Variants in CAPN8 observed in about 807,000 individuals in gnomAD.
CAPN8 encodes the protein calpain 8.
CAPN8 carries 87 observed loss-of-function variants against 80.9 expected under a neutral mutation model. The ratio of observed to expected loss-of-function variants is 1.07; its 90% CI spans 0.90 to 1.28. The LOEUF is 1.28. Among genes scored for constraint, CAPN8 ranks in the 50% most tolerant of loss-of-function variants. The pLI is 0.00. For synonymous variants in CAPN8, 299 were observed against 273.8 expected, an observed-to-expected ratio of 1.09 and a Z score of -0.91; for missense variants, 757 against 702.0, an observed-to-expected ratio of 1.08 and a Z score of -0.89.
At chr1:223,628,267 G>A (rs1657660105) in intron 3 of CAPN8, 125 bp from the exon 4 acceptor site, 2 of 1,111,948 alleles carry the variant, frequency 1.8e-6, no homozygotes, top group Non-Finnish European at 1.2e-6. Flanking sequence ...TTAGGAGCAG[G>A]ACATGTGTCT....
At chr1:223,623,446 C>T (rs906617611) in intron 6 of CAPN8, among the ~76,000 whole-genome samples, 5 of 152,138 alleles carry the variant, frequency 3.3e-5, no homozygotes, top group Non-Finnish European at 5.9e-5. Flanking sequence ...GTGGTGAACG[C>T]AGGCCAGGAA....
chr1:223,659,368 C>T (rs1658579611), intron 1 of CAPN8, among the ~76,000 whole-genome samples: 1 of 152,180 alleles, frequency 6.6e-6, no homozygotes, highest in Non-Finnish European at 1.5e-5. Context: ...CCAGCACCTC[C>T]ATCCCTCTGT....
chr1:223,640,698 A>G (rs958176509), intron 2 of CAPN8, among the ~76,000 whole-genome samples: 10 of 152,128 alleles, frequency 6.6e-5, no homozygotes, highest in Non-Finnish European at 1.3e-4. Context: ...CAGTAAGACT[A>G]TAAAGGACCC....
rs1399424056 is a variant in CAPN8 at position 223,623,144 on chromosome 1, T to C, written c.814-244A>G. On this transcript the variant is annotated intron_variant, in intron 6 of 20. Coordinates refer to ENST00000366872, the MANE Select transcript of CAPN8 (RefSeq NM_001143962.2). ...GAGTGAGTCTAGCCCAAAAACAAGCTTATGTCTGCTTTAACTCAGATTTAG... is the reference window on the plus strand; with the variant it reads ...GAGTGAGTCTAGCCCAAAAACAAGCCTATGTCTGCTTTAACTCAGATTTAG... Among the ~76,000 whole-genome samples, 3 of 152,344 alleles carry C rather than the reference T, an allele frequency of 2.0e-5. No individual in the cohort carries two copies. In the South Asian group the frequency reaches 6.2e-4, roughly 32 times the overall value.
chr1:223,610,621 C>T (rs574248814), intron 11 of CAPN8, among the ~76,000 whole-genome samples: 4 of 152,202 alleles, frequency 2.6e-5, no homozygotes, highest in African/African-American at 9.6e-5. Flanking sequence ...AAACTGAGTT[C>T]CAGCAAGAAT....
intron 5 of CAPN8, 75 bp from the exon 6 acceptor site, chr1:223,625,963 A>G: frequency 2.6e-6 from 3 of 1,173,092 alleles, no homozygotes; most frequent in Non-Finnish European, 2.5e-6. Context: ...CTTTCCAAGG[A>G]CACACTACAC....
intron 9 of CAPN8, 57 bp downstream of exon 9, chr1:223,619,236 C>A: frequency 6.6e-7 from 1 of 1,526,282 alleles, no homozygotes; most frequent in Non-Finnish European, 8.8e-7. Flanking sequence ...CATAAAATGA[C>A]CCAGCTCAGG....
chr1:223,621,434 G>A (rs1261922065), intron 7 of CAPN8, among the ~76,000 whole-genome samples: 1 of 152,026 alleles, frequency 6.6e-6, no homozygotes, highest in Non-Finnish European at 1.5e-5. Context: ...GGGTGCTCAG[G>A]GAAAGGAGAG....
At chr1:223,543,021 CA>C in intron 20 of CAPN8, 86 bp downstream of exon 20, 3 of 1,434,592 alleles carry the variant, frequency 2.1e-6, no homozygotes, top group Non-Finnish European at 2.9e-6. Flanking sequence ...AGACAGCCAA[CA>C]GGAATAAGCA....
At chr1:223,618,511 G>A (rs1657273762) in intron 9 of CAPN8, among the ~76,000 whole-genome samples, 3 of 152,350 alleles carry the variant, frequency 2.0e-5, no homozygotes, top group African/African-American at 4.8e-5. Flanking sequence ...CAGCTCTATT[G>A]GATGCAGCCT....
At chr1:223,657,132 A>C (rs1237235550) in intron 1 of CAPN8, among the ~76,000 whole-genome samples, 1 of 152,036 alleles carries the variant, frequency 6.6e-6, no homozygotes, top group African/African-American at 2.4e-5. Flanking sequence ...CTAGTGATGG[A>C]CCTTTAGTTT....
At position 223,617,868 on chromosome 1, in the gene CAPN8, A is replaced by G. The variant is rs533477401; in HGVS notation, c.1135+1425T>C. 9 of 185,448 alleles carry G rather than the reference A, an allele frequency of 4.9e-5. No homozygotes were observed. The South Asian group carries it at 1.4e-3, about 29-fold the overall frequency. 11.5% of individuals were successfully genotyped at this position (185,448 alleles called of 1,614,324 possible). A position where few individuals can be genotyped will look rare whatever the true frequency, so the allele number is the denominator to read the frequency against. On this transcript the variant is annotated intron_variant, in intron 9 of 20. Coordinates refer to ENST00000366872, the MANE Select transcript of CAPN8 (RefSeq NM_001143962.2). ...GGGAAATGCCCTTCCCAGAGTCTAA[A>G]TCAAGCAACAAGGGCAGGATGTGGA...
At chr1:223,545,170 G>C in intron 17 of CAPN8, 61 bp downstream of exon 17, 1 of 1,551,232 alleles carries the variant, frequency 6.4e-7, no homozygotes, top group South Asian at 1.2e-5. Flanking sequence ...AATGGACCAG[G>C]AATGAGTGTA....
chr1:223,659,505 C>T (rs149015739), intron 1 of CAPN8, among the ~76,000 whole-genome samples: 30 of 152,288 alleles, frequency 2.0e-4, no homozygotes, highest in Admixed American at 5.2e-4. Flanking sequence ...TGCACTGCCA[C>T]AACCCAGTAC....
chr1:223,628,313 C>G (rs562782888), intron 3 of CAPN8, among the ~76,000 whole-genome samples, 171 bp from the exon 4 acceptor site: 22 of 152,298 alleles, frequency 1.4e-4, no homozygotes, highest in African/African-American at 5.1e-4. Flanking sequence ...CCAGATGAAC[C>G]CGGGAACATC....
chr1:223,641,405 C>T (rs1362782475), intron 2 of CAPN8, among the ~76,000 whole-genome samples: 2 of 151,592 alleles, frequency 1.3e-5, no homozygotes, highest in Non-Finnish European at 2.9e-5. Context: ...TGTGGACCTC[C>T]ATTTTACTTT....
chr1:223,550,882 C>G lies in CAPN8; in HGVS notation c.1699+78G>C, dbSNP rs574060323. 53 of 690,858 alleles carry G rather than the reference C, an allele frequency of 7.7e-5. No individual in the cohort carries two copies. The East Asian group carries it at 1.4e-3, about 18-fold the overall frequency. 42.8% of individuals were successfully genotyped at this position (690,858 alleles called of 1,614,324 possible). ...TCTCCCACCTGTGGTGCTGCCAGCC[C>G]AATGCCTGCCTACCCATCCCTCACC... On this transcript the variant is annotated intron_variant, in intron 15 of 20. Coordinates refer to ENST00000366872, the MANE Select transcript of CAPN8 (RefSeq NM_001143962.2).
At chr1:223,546,465 C>T (rs1216357138) in intron 16 of CAPN8, among the ~76,000 whole-genome samples, 1 of 152,188 alleles carries the variant, frequency 6.6e-6, no homozygotes, top group Non-Finnish European at 1.5e-5. Flanking sequence ...CTGTAAGCCT[C>T]ATACTTTAAG....
In CAPN8 at chr1:223,619,391, T is replaced by G; in HGVS notation, c.1037A>C (p.Asp346Ala). ...GTGCACCTCCTCGCTACTCAGAGAG[T>G]CCGGGGACAGGTTGCAGATCTCCAA... ...SRLEICNLSP[D>A]SLSSEEVHKW... Residue 346 changes from aspartate to alanine, a missense_variant, in exon 9 of 21, where the codon GAC becomes GCC. Physicochemically the swap from Asp to Ala is moderately radical, Grantham distance 126 (BLOSUM62 -2). Coordinates refer to ENST00000366872, the MANE Select transcript of CAPN8 (RefSeq NM_001143962.2). 1 of 1,550,566 alleles carries G rather than the reference T, an allele frequency of 6.4e-7. No homozygotes were observed. The highest frequency in any genetic ancestry group is 8.7e-7 in the Non-Finnish European group (1 of 1,146,646).
Sources: allele counts gnomAD v4.1 joint callset (sites outside exome capture counted in the v4.1 genomes callset), GRCh38; gene constraint gnomAD v4.1.1; transcripts MANE v1.5; gene names NCBI Gene and HGNC (gene_info 2026-07-23, HGNC 2026-07-21).